The following KIAA0586 variants were observed in gnomAD, a reference collection of about 807,000 sequenced individuals.
KIAA0586 encodes KIAA0586, also known as protein TALPID3.
KIAA0586 carries 144 observed loss-of-function variants against 169.8 expected under a neutral mutation model. That is an observed-to-expected ratio of 0.85 (90% CI 0.74 to 0.97). The LOEUF is 0.97. Among genes scored for constraint, KIAA0586 ranks in the 50% least tolerant of loss-of-function variants. KIAA0586 has a pLI of 0.00. For synonymous variants in KIAA0586, 625 were observed against 612.4 expected (o/e 1.02, Z -0.30); for missense variants, 1,854 against 1,823.0 (o/e 1.02, Z -0.31).
At chr14:58,450,435 G>A (rs1169975870) in intron 7 of KIAA0586, 144 bp from the exon 8 acceptor site, 12 of 554,278 alleles carry the variant, frequency 2.2e-5, no homozygotes, top group Admixed American at 1.0e-4. Context: ...TTTTTAATGG[G>A]GTGAAGTTAT....
chr14:58,552,627 A>T (rs1315665174), downstream of KIAA0586, among the ~76,000 whole-genome samples: 1 of 152,240 alleles, frequency 6.6e-6, no homozygotes, highest in East Asian at 1.9e-4. Context: ...GCAGTTCAGT[A>T]CGCTCCTACC....
chr14:58,463,803 G>C (rs2040515899), intron 14 of KIAA0586, among the ~76,000 whole-genome samples: 1 of 149,286 alleles, frequency 6.7e-6, no homozygotes, highest in Non-Finnish European at 1.5e-5. Flanking sequence ...TCCAGCCTGG[G>C]TAACTGAGCA....
chr14:58,531,402 G>A (rs1424355918), intron 29 of KIAA0586, among the ~76,000 whole-genome samples: 3 of 151,372 alleles, frequency 2.0e-5, no homozygotes, highest in African/African-American at 2.4e-5. Context: ...CTTCTCAAAC[G>A]AAGACATTTA....
chr14:58,456,956 A>G (rs1371891361), intron 10 of KIAA0586, 146 bp downstream of exon 10: 4 of 601,888 alleles, frequency 6.6e-6, no homozygotes, highest in Non-Finnish European at 1.2e-5. Context: ...CCATTTATAA[A>G]GTATTTCCAG....
chr14:58,482,390 C>A, intron 20 of KIAA0586, 123 bp from the exon 21 acceptor site: 3 of 685,380 alleles, frequency 4.4e-6, no homozygotes, highest in African/African-American at 3.7e-5. Flanking sequence ...CACATCATTG[C>A]ACTCCAGCCT....
At chr14:58,523,834 G>T (rs2045388601) in intron 29 of KIAA0586, among the ~76,000 whole-genome samples, 1 of 151,784 alleles carries the variant, frequency 6.6e-6, no homozygotes, top group African/African-American at 2.4e-5. Flanking sequence ...TAAGTGCTGG[G>T]ATTACAGGCA....
chr14:58,468,307 T>A (rs2040933654), intron 16 of KIAA0586, among the ~76,000 whole-genome samples: 1 of 152,176 alleles, frequency 6.6e-6, no homozygotes, highest in African/African-American at 2.4e-5. Flanking sequence ...TGCATTGGCC[T>A]CCCAAAGTGC....
At chr14:58,521,400 G>C (rs2045214541) in intron 29 of KIAA0586, 1 of 866,562 alleles carries the variant, frequency 1.2e-6, no homozygotes, top group East Asian at 3.0e-5. Flanking sequence ...GTATGTTAAT[G>C]AGAGAAATGC....
chr14:58,560,835 A>G, the KIAA0586 span, among the ~76,000 whole-genome samples: 30 of 152,338 alleles, frequency 2.0e-4, no homozygotes, highest in African/African-American at 5.8e-4. Flanking sequence ...TTTTTGAGGC[A>G]ATAATCTGGT....
intron 8 of KIAA0586, among the ~76,000 whole-genome samples, chr14:58,451,454 T>C (rs2039382754): frequency 6.6e-6 from 1 of 151,906 alleles, no homozygotes; most frequent in South Asian, 2.1e-4. Flanking sequence ...CACAAACTCC[T>C]GGGCTCAAGC....
rs557310806 is a variant in KIAA0586, at chr14:58,437,111, G to A, written c.410+4654G>A. Among the ~76,000 whole-genome samples the A allele has an allele frequency of 8.2e-4, 125 of 152,296 alleles. 3 individuals carry two copies. The highest frequency in any genetic ancestry group is 8.3e-4 in the South Asian group (4 of 4,828). On this transcript the variant is annotated intron_variant, in intron 4 of 30. Transcript: ENST00000652326. ...CTCTGGAGTTTTCAGGGAGGAGTGA[G>A]TTAGATTGGTCCTGAATACACTGGG...
intron 3 of KIAA0586, 107 bp downstream of exon 3, chr14:58,430,824 T>G: frequency 1.6e-6 from 1 of 620,838 alleles, no homozygotes; most frequent in South Asian, 2.3e-5. Flanking sequence ...TTCACATTGT[T>G]GTACAATCAT....
At chr14:58,523,653 G>A (rs779971487) in intron 29 of KIAA0586, among the ~76,000 whole-genome samples, 5 of 151,688 alleles carry the variant, frequency 3.3e-5, no homozygotes, top group South Asian at 2.1e-4. Flanking sequence ...CAGAGGAACC[G>A]TCTCCAGTTC....
intron 16 of KIAA0586, 87 bp from the exon 17 acceptor site, chr14:58,470,526 C>T: frequency 2.9e-6 from 2 of 690,674 alleles, no homozygotes; most frequent in South Asian, 2.3e-5. Flanking sequence ...TGTATACACA[C>T]ACACATATAC....
intron 27 of KIAA0586, among the ~76,000 whole-genome samples, chr14:58,503,641 G>A (rs543473899): frequency 7.2e-5 from 11 of 152,212 alleles, no homozygotes; most frequent in South Asian, 2.1e-4. Flanking sequence ...GAAGAAGCCC[G>A]TATAGGATGG....
At position 58,457,829 on chromosome 14, in the gene KIAA0586, A is replaced by G. The variant is rs773524165; in HGVS notation, c.1433A>G (p.Asn478Ser). Residue 478 changes from asparagine to serine, a missense_variant, in exon 11 of 31, where the codon AAT (asparagine) becomes AGT (serine). By Grantham distance (46) the Asn-to-Ser change is conservative. Coordinates refer to ENST00000652326, the MANE Select transcript of KIAA0586 (RefSeq NM_001329943.3). The stretch of plus-strand genomic sequence containing the variant: ...AATTCTGTTAAGCTTCAAACAACCA[A>G]TACAACAAGATCTGTATTGAAAGAT... ...PQNSVKLQTT[N>S]TTRSVLKDAE... The G allele has an allele frequency of 2.8e-5, 45 of 1,608,452 alleles. No homozygotes were observed. Among genetic ancestry groups the G allele is most frequent in the Admixed American group, 1.7e-4 (10 of 59,342 alleles).
intron 30 of KIAA0586, among the ~76,000 whole-genome samples, chr14:58,544,582 C>T (rs1043740713): frequency 2.6e-5 from 4 of 152,150 alleles, no homozygotes; most frequent in Admixed American, 6.5e-5. Flanking sequence ...GAGATGGTAT[C>T]TCATTGTGAT....
At chr14:58,451,273 T>C (rs2039362162) in intron 8 of KIAA0586, among the ~76,000 whole-genome samples, 3 of 152,192 alleles carry the variant, frequency 2.0e-5, no homozygotes, top group African/African-American at 7.2e-5. Context: ...TCACCCAGAC[T>C]GGAGTACAAT....
rs988484726 is a variant in KIAA0586 at position 58,496,522 on chromosome 14, A to G, written c.3991-2261A>G. On this transcript the variant is annotated intron_variant, in intron 26 of 30. Transcript: ENST00000652326. Reference sequence around the variant, plus strand: ...CCCAAGAGTCTCCAAGGGATTTCATATTAATTATGAACAGTATTTTTTAAT... The same window carrying G: ...CCCAAGAGTCTCCAAGGGATTTCATGTTAATTATGAACAGTATTTTTTAAT... Among the ~76,000 whole-genome samples, 11 of 152,206 alleles carry G rather than the reference A, an allele frequency of 7.2e-5. 1 individual carries two copies. The highest frequency in any genetic ancestry group is 2.7e-4 in the African/African-American group (11 of 41,450).
Sources: allele counts gnomAD v4.1 joint callset (sites outside exome capture counted in the v4.1 genomes callset), GRCh38; gene constraint gnomAD v4.1.1; transcripts MANE v1.5; gene names NCBI Gene and HGNC (gene_info 2026-07-23, HGNC 2026-07-21).